Variants in SPTB observed in about 807,000 individuals in gnomAD.
SPTB encodes spectrin beta chain, erythrocytic.
In SPTB, 45 loss-of-function variants were observed where a neutral mutation model predicts 256.2. The observed-to-expected ratio is 0.18, with a 90% CI of 0.14 to 0.23. SPTB has a LOEUF of 0.23. Ranked by LOEUF, SPTB falls within the 10% of genes least tolerant of loss-of-function variation. The pLI is 1.00. For synonymous variants in SPTB, 1,231 were observed against 1,243.1 expected (o/e 0.99, Z 0.21); for missense variants, 2,715 against 3,040.4 (o/e 0.89, Z 2.52).
At chr14:64,750,325 A>ATTAT in intron 33 of SPTB, 171 bp from the exon 34 acceptor site, 1 of 753,898 alleles carries the variant, frequency 1.3e-6, no homozygotes, top group Non-Finnish European at 2.1e-6. Flanking sequence ...AAAATTAGCT[A>ATTAT]TTATTAACAT....
chr14:64,818,855 G>C (rs777228486), intron 2 of SPTB, among the ~76,000 whole-genome samples: 1 of 152,204 alleles, frequency 6.6e-6, no homozygotes. Flanking sequence ...GGGCTTTTCA[G>C]CTGCTGCTCT....
chr14:64,850,720 T>C (rs2083770961), intron 1 of SPTB, among the ~76,000 whole-genome samples: 1 of 152,222 alleles, frequency 6.6e-6, no homozygotes. Flanking sequence ...GTAAGTGATG[T>C]GATTTATGGT....
chr14:64,820,041 C>T (rs2083261324), intron 2 of SPTB, among the ~76,000 whole-genome samples: 1 of 152,144 alleles, frequency 6.6e-6, no homozygotes, highest in Non-Finnish European at 1.5e-5. Flanking sequence ...TGTTCCTCCT[C>T]ACCCCAGGAC....
rs2083013470 is a variant in SPTB, at chr14:64,807,820, G to A, written c.149-2730C>T. ...ACAGGAAGAGAGGTGGCTGTACACTGGGCCTGCTGTCCCCAGGGGACCCAG... is the reference window on the plus strand; with the variant it reads ...ACAGGAAGAGAGGTGGCTGTACACTAGGCCTGCTGTCCCCAGGGGACCCAG... On this transcript the variant is annotated intron_variant, in intron 2 of 35. Coordinates refer to ENST00000644917, the MANE Select transcript of SPTB (RefSeq NM_001355436.2). The surrounding 1 kb of genome is among the most constrained non-coding windows in gnomAD (Gnocchi z 4.7). Among the ~76,000 whole-genome samples, 1 of 152,212 alleles carries A rather than the reference G, an allele frequency of 6.6e-6. No homozygotes were observed. The highest frequency in any genetic ancestry group is 2.1e-4 in the South Asian group (1 of 4,832).
At chr14:64,851,510 G>GTAC (rs2083786037) in intron 1 of SPTB, among the ~76,000 whole-genome samples, 1 of 151,946 alleles carries the variant, frequency 6.6e-6, no homozygotes, top group Non-Finnish European at 1.5e-5. Context: ...AGTAGTAGTA[G>GTAC]TAGCAGCAGT....
intron 1 of SPTB, among the ~76,000 whole-genome samples, chr14:64,868,523 G>T (rs949959616): frequency 6.6e-6 from 1 of 152,182 alleles, no homozygotes; most frequent in Non-Finnish European, 1.5e-5. Flanking sequence ...AAGCTGATCT[G>T]GGACTGAGGA....
intron 2 of SPTB, among the ~76,000 whole-genome samples, chr14:64,812,705 A>T (rs2083113345): frequency 6.6e-6 from 1 of 152,038 alleles, no homozygotes; most frequent in African/African-American, 2.4e-5. Flanking sequence ...CGTCACGGGC[A>T]TCTGGGAAGT....
At chr14:64,776,046 C>A (rs1411793454) in intron 22 of SPTB, among the ~76,000 whole-genome samples, 1 of 152,136 alleles carries the variant, frequency 6.6e-6, no homozygotes, top group African/African-American at 2.4e-5. Flanking sequence ...GGTGGCTGGT[C>A]ACCTTTTTCT....
In SPTB at chr14:64,770,940, G is replaced by A. The variant is rs1428484387; in HGVS notation, c.5743C>T (p.Leu1915Phe). The A allele has an allele frequency of 1.2e-6, 2 of 1,614,114 alleles. No homozygotes were observed. Among genetic ancestry groups the A allele is most frequent in the Middle Eastern group, 1.6e-4 (1 of 6,062 alleles). ...ATGATGCTCTCCATCCAGGAGAGGAGGTCACGGGCCATGCTGAAGAAGCGG... is the reference window on the plus strand; with the variant it reads ...ATGATGCTCTCCATCCAGGAGAGGAAGTCACGGGCCATGCTGAAGAAGCGG... ...KFRFFSMARD[L>F]LSWMESIIRQ... The change falls in exon 27 of 36, where the codon CTC becomes TTC. Residue 1915 changes from leucine to phenylalanine, a missense_variant. Physicochemically the swap from Leu to Phe is conservative, Grantham distance 22. This residue lies in a region of SPTB where 2,239 missense variants were observed against 2,384.4 expected (regional missense o/e 0.94). Coordinates refer to ENST00000644917, the MANE Select transcript of SPTB (RefSeq NM_001355436.2).
chr14:64,751,248 T>C (rs920803719), intron 33 of SPTB, among the ~76,000 whole-genome samples: 1 of 151,706 alleles, frequency 6.6e-6, no homozygotes, highest in Non-Finnish European at 1.5e-5. Context: ...GCCTCCCGAG[T>C]AGCTGGGACT....
intron 1 of SPTB, among the ~76,000 whole-genome samples, chr14:64,837,465 T>C (rs1393032236): frequency 6.6e-6 from 1 of 152,178 alleles, no homozygotes; most frequent in Non-Finnish European, 1.5e-5. Context: ...TAGGGAAATA[T>C]ACCATGCCTA....
Position 64,779,704 on chromosome 14 carries a change from G to C in SPTB, c.4473+21C>G, listed in dbSNP as rs562410271. The C allele has an allele frequency of 6.2e-7, 1 of 1,613,994 alleles. No homozygotes were observed. Among genetic ancestry groups the C allele is most frequent in the Admixed American group, 1.7e-5 (1 of 60,028 alleles). ...TGGTGGCTCAGCCTCAGGAGGTAGG[G>C]AGAAGCTGTGGCCCACGCACCGTCT... On this transcript the variant is annotated intron_variant, in intron 21 of 35. Transcript: ENST00000644917. This position sits in a 1 kb window ranked among gnomAD's most constrained non-coding sequence, Gnocchi z 4.2.
At chr14:64,787,781 T>C (rs973182753) in intron 15 of SPTB, among the ~76,000 whole-genome samples, 3 of 152,182 alleles carry the variant, frequency 2.0e-5, no homozygotes, top group Non-Finnish European at 2.9e-5. Flanking sequence ...AATACGGAAA[T>C]GTGCTAAGGT....
chr14:64,762,157 C>G (rs1480039080), intron 32 of SPTB, among the ~76,000 whole-genome samples: 2 of 152,314 alleles, frequency 1.3e-5, no homozygotes, highest in Non-Finnish European at 2.9e-5. Flanking sequence ...CTGACTCAGG[C>G]ATACTGGGTA....
intron 32 of SPTB, among the ~76,000 whole-genome samples, chr14:64,766,044 G>T (rs907179510): frequency 1.4e-5 from 2 of 147,230 alleles, no homozygotes; most frequent in Non-Finnish European, 3.0e-5. Context: ...TGGGTGTGTG[G>T]GTGTGCGTGA....
At chr14:64,797,988 A>T in intron 9 of SPTB, 142 bp from the exon 10 acceptor site, 1 of 746,686 alleles carries the variant, frequency 1.3e-6, no homozygotes, top group East Asian at 2.5e-5. Flanking sequence ...AACTAAAGAG[A>T]ATCTGTAGGT....
chr14:64,822,860 C>T, intron 2 of SPTB, 87 bp downstream of exon 2: 2 of 1,584,060 alleles, frequency 1.3e-6, no homozygotes, highest in East Asian at 2.2e-5. Flanking sequence ...TCACCCAACA[C>T]ACACAGAGGA....
At chr14:64,781,227 A>G (rs571804423) in intron 20 of SPTB, among the ~76,000 whole-genome samples, 1 of 152,254 alleles carries the variant, frequency 6.6e-6, no homozygotes, top group East Asian at 1.9e-4. Flanking sequence ...GGCAAATGAG[A>G]TCTAATTAAA....
Position 64,784,325 on chromosome 14 carries a change from A to C in SPTB, c.3924T>G (p.Leu1308=). The part of the protein sequence containing the change: ...QDVSYDEARN[L]HNKWLKHQAF... ...CCTGGTGCTTTAGCCATTTATTGTG[A>C]AGGTTTCGTGCTTCATCATAGGAGA... The change falls in exon 19 of 36, where the codon CTT becomes CTG. Residue 1308 remains leucine (L), a synonymous_variant. Coordinates refer to ENST00000644917, the MANE Select transcript of SPTB (RefSeq NM_001355436.2). The C allele has an allele frequency of 6.2e-7, 1 of 1,614,210 alleles. No individual in the cohort carries two copies. Among genetic ancestry groups the C allele is most frequent in the Non-Finnish European group, 8.5e-7 (1 of 1,180,040 alleles).
Sources: allele counts gnomAD v4.1 joint callset (sites outside exome capture counted in the v4.1 genomes callset), GRCh38; gene constraint gnomAD v4.1.1; regional missense constraint gnomAD v4.1.1; non-coding constraint Gnocchi (gnomAD v3.1); transcripts MANE v1.5; gene names NCBI Gene and HGNC (gene_info 2026-07-23, HGNC 2026-07-21).